The following NRCAM variants were observed in gnomAD, a reference collection of about 807,000 sequenced individuals.
The protein encoded by NRCAM is NgCAM-related cell adhesion molecule.
Under a neutral mutation model 156.5 loss-of-function variants are expected in NRCAM, and 83 were observed. The observed-to-expected ratio is 0.53, with a 90% CI of 0.44 to 0.64. The LOEUF is 0.64. Ranked by LOEUF, NRCAM falls within the 30% of genes least tolerant of loss-of-function variation. The pLI is 0.00. For synonymous variants in NRCAM, 538 were observed against 563.9 expected (o/e 0.95, Z 0.65); for missense variants, 1,417 against 1,597.3 (o/e 0.89, Z 1.92).
intron 2 of NRCAM, among the ~76,000 whole-genome samples, chr7:108,377,120 C>T (rs559372334): frequency 1.2e-4 from 19 of 152,222 alleles, no homozygotes; most frequent in South Asian, 8.3e-4. Context: ...GCCATGATCA[C>T]GCTATTGCAC....
intron 3 of NRCAM, among the ~76,000 whole-genome samples, chr7:108,269,941 A>G (rs1455824705): frequency 7.2e-5 from 11 of 152,216 alleles, no homozygotes; most frequent in Admixed American, 5.9e-4. Flanking sequence ...CTTAGACAGT[A>G]ACCATACTGT....
At chr7:108,225,950 T>G (rs1196481030) in intron 9 of NRCAM, among the ~76,000 whole-genome samples, 1 of 152,114 alleles carries the variant, frequency 6.6e-6, no homozygotes, top group African/African-American at 2.4e-5. Flanking sequence ...AAAGCACACA[T>G]AAATGCTCAG....
Position 108,223,625 on chromosome 7 carries a change from T to C in NRCAM, c.890+100A>G, listed in dbSNP as rs982686643. The C allele has an allele frequency of 9.2e-6, 5 of 542,208 alleles. No individual in the cohort carries two copies. The Admixed American group carries it at 1.7e-4, about 19-fold the overall frequency. 33.6% of individuals were successfully genotyped at this position (542,208 alleles called of 1,614,324 possible). A position where few individuals can be genotyped will look rare whatever the true frequency, so the allele number is the denominator to read the frequency against. The stretch of plus-strand genomic sequence containing the variant: ...TTTTCTTGATGCTTGCTAGAATTAG[T>C]AGAAGACAATGACTCCTCCTATGAT... On this transcript the variant is annotated intron_variant, in intron 11 of 32. Coordinates refer to ENST00000379028, the MANE Select transcript of NRCAM (RefSeq NM_001037132.4).
chr7:108,276,029 T>C (rs566016340), intron 3 of NRCAM, among the ~76,000 whole-genome samples: 2 of 152,362 alleles, frequency 1.3e-5, no homozygotes, highest in East Asian at 3.9e-4. Flanking sequence ...TCAGTTTCCA[T>C]GTAGTTGTGC....
chr7:108,205,744 C>T (rs2080798008), intron 13 of NRCAM, among the ~76,000 whole-genome samples: 1 of 152,120 alleles, frequency 6.6e-6, no homozygotes, highest in South Asian at 2.1e-4. Flanking sequence ...ATACATTGTA[C>T]CAGCTAATTT....
chr7:108,389,702 T>C (rs1171323645), intron 2 of NRCAM, among the ~76,000 whole-genome samples: 1 of 152,214 alleles, frequency 6.6e-6, no homozygotes, highest in Non-Finnish European at 1.5e-5. Context: ...TTGTCATAAA[T>C]AGCTCTTATT....
intron 28 of NRCAM, among the ~76,000 whole-genome samples, 190 bp downstream of exon 28, chr7:108,175,132 A>T (rs1036797833): frequency 2.6e-5 from 4 of 152,170 alleles, no homozygotes; most frequent in African/African-American, 9.7e-5. Context: ...ATGTTTTGAG[A>T]ATTCAATATG....
chr7:108,197,854 C>T (rs1019316018), intron 14 of NRCAM, 102 bp downstream of exon 14: 3 of 802,210 alleles, frequency 3.7e-6, no homozygotes, highest in Non-Finnish European at 5.6e-6. Flanking sequence ...AAGTACTGTG[C>T]ATTGCACATA....
intron 1 of NRCAM, among the ~76,000 whole-genome samples, chr7:108,417,532 C>T (rs75259462): frequency 0.06 from 9,112 of 152,172 alleles, 271 homozygotes; most frequent in African/African-American, 0.066. Context: ...AATTTCAACG[C>T]GAATTTTGGA....
chr7:108,242,625 T>C (rs2095611873), intron 3 of NRCAM, among the ~76,000 whole-genome samples: 2 of 152,190 alleles, frequency 1.3e-5, no homozygotes, highest in African/African-American at 4.8e-5. Context: ...AACATGCGGA[T>C]CTTACATATT....
Position 108,148,489 on chromosome 7 carries a change from T to C in NRCAM, c.*1421A>G, listed in dbSNP as rs775542405. 3.3e-5 allele frequency: 5 copies of C among 152,694 alleles called. No individual in the cohort carries two copies. Among genetic ancestry groups the C allele is most frequent in the Non-Finnish European group, 7.3e-5 (5 of 68,044 alleles). The allele number at this position is 152,694 out of a possible 1,614,324, so 9.5% of individuals were successfully genotyped here. On this transcript the variant is annotated 3_prime_UTR_variant, in exon 33 of 33. Coordinates refer to ENST00000379028, the MANE Select transcript of NRCAM (RefSeq NM_001037132.4). ...GCATTCCTTCAACCATAGGTTGTTA[T>C]AGATTTTCATATTTGGAGGTAACCC...
intron 2 of NRCAM, among the ~76,000 whole-genome samples, chr7:108,344,500 C>G (rs1197160201): frequency 6.7e-6 from 1 of 149,336 alleles, no homozygotes; most frequent in Non-Finnish European, 1.5e-5. Context: ...GAAAAAAAAC[C>G]CCTGCAAAAA....
At chr7:108,265,247 A>G (rs1407499345) in intron 3 of NRCAM, among the ~76,000 whole-genome samples, 1 of 152,222 alleles carries the variant, frequency 6.6e-6, no homozygotes, top group African/African-American at 2.4e-5. Flanking sequence ...TGGATCCTGC[A>G]TAAACCCTGG....
chr7:108,335,472 C>T (rs2099174237), intron 2 of NRCAM, among the ~76,000 whole-genome samples: 1 of 91,294 alleles, frequency 1.1e-5, no homozygotes, highest in Admixed American at 1.6e-4. Context: ...GTTTTCACTG[C>T]AAAGACAAGT....
intron 3 of NRCAM, among the ~76,000 whole-genome samples, chr7:108,295,359 T>C (rs1437158540): frequency 6.6e-6 from 1 of 152,184 alleles, no homozygotes; most frequent in Non-Finnish European, 1.5e-5. Context: ...CAAAGTACCA[T>C]AAACAGGGTA....
intron 3 of NRCAM, among the ~76,000 whole-genome samples, chr7:108,291,806 TAA>T (rs573449018): frequency 6.6e-6 from 1 of 151,966 alleles, no homozygotes; most frequent in Admixed American, 6.6e-5. Context: ...CTAAAACATT[TAA>T]AAAAAGGATC....
At chr7:108,291,810 A>G (rs775902071) in intron 3 of NRCAM, among the ~76,000 whole-genome samples, 1 of 152,198 alleles carries the variant, frequency 6.6e-6, no homozygotes, top group Non-Finnish European at 1.5e-5. Context: ...AACATTTAAA[A>G]AAAGGATCTG....
intron 2 of NRCAM, among the ~76,000 whole-genome samples, chr7:108,373,187 G>A (rs538765922): frequency 2.6e-5 from 4 of 152,094 alleles, no homozygotes; most frequent in Non-Finnish European, 5.9e-5. Flanking sequence ...ATTGCCAAGG[G>A]GTGGAAGTAG....
chr7:108,286,099 T>A (rs1011366176), intron 3 of NRCAM, among the ~76,000 whole-genome samples: 1 of 152,224 alleles, frequency 6.6e-6, no homozygotes, highest in African/African-American at 2.4e-5. Context: ...CAAATGCATA[T>A]GGCTGTGTTC....
Sources: allele counts gnomAD v4.1 joint callset (sites outside exome capture counted in the v4.1 genomes callset), GRCh38; gene constraint gnomAD v4.1.1; transcripts MANE v1.5; gene names NCBI Gene and HGNC (gene_info 2026-07-23, HGNC 2026-07-21).